Variants in ABCA13 observed in about 807,000 individuals in gnomAD.
The protein encoded by ABCA13 is ATP-binding cassette sub-family A member 13.
Under a neutral mutation model 478.7 loss-of-function variants are expected in ABCA13, and 476 were observed. The ratio of observed to expected loss-of-function variants is 0.99; its 90% CI spans 0.92 to 1.07. The LOEUF (loss-of-function observed/expected upper bound fraction) is 1.07, where lower values mean the gene tolerates loss of function less well. ABCA13 is among the 50% of genes least tolerant of loss of function. ABCA13 has a pLI of 0.00. For missense variants in ABCA13, 6,060 were observed against 5,910.6 expected, an observed-to-expected ratio of 1.03 and a Z score of -0.83; for synonymous variants, 2,252 against 2,158.9, an observed-to-expected ratio of 1.04 and a Z score of -1.20.
chr7:48,402,333 C>T (rs1380289184), intron 38 of ABCA13, among the ~76,000 whole-genome samples: 1 of 152,128 alleles, frequency 6.6e-6, no homozygotes, highest in Non-Finnish European at 1.5e-5. Flanking sequence ...GGTTAATGTG[C>T]TAAGTTTAAT....
chr7:48,373,267 C>T (rs539039151), intron 33 of ABCA13, among the ~76,000 whole-genome samples: 204 of 152,260 alleles, frequency 1.3e-3, no homozygotes, highest in African/African-American at 4.7e-3. Flanking sequence ...CGGGGCTGCT[C>T]AGGGGTATTT....
chr7:48,489,928 T>G (rs1046555561), intron 48 of ABCA13, among the ~76,000 whole-genome samples: 6 of 152,210 alleles, frequency 3.9e-5, no homozygotes, highest in African/African-American at 1.4e-4. Context: ...TTAATTTAAT[T>G]TAGCTTCTTT....
chr7:48,621,032 T>C (rs991878010), intron 59 of ABCA13, among the ~76,000 whole-genome samples: 2 of 152,142 alleles, frequency 1.3e-5, no homozygotes, highest in African/African-American at 2.4e-5. Context: ...ACTCAGGTGC[T>C]TTCTCATGCT....
chr7:48,274,317 G>T lies in ABCA13; in HGVS notation c.4651G>T (p.Gly1551Trp), dbSNP rs1358566060. ...TATTTGGCTTCATTTAATAACACTG[G>T]GGAAGGAATTTCAGAAGCTTGTAAA... Reference protein sequence around the residue: ...QNIWLHLITLGKEFQKLVKGI... With the variant: ...QNIWLHLITLWKEFQKLVKGI... Residue 1551 changes from glycine (G) to tryptophan (W), a missense_variant, in exon 17 of 62, where the codon GGG (glycine) becomes TGG (tryptophan). By Grantham distance (184) the Gly-to-Trp change is radical. Coordinates refer to ENST00000435803, the MANE Select transcript of ABCA13 (RefSeq NM_152701.5). 1 of 1,613,274 alleles carries T rather than the reference G, an allele frequency of 6.2e-7. No individual in the cohort carries two copies. The highest frequency in any genetic ancestry group is 1.3e-5 in the African/African-American group (1 of 74,888).
At position 48,229,896 on chromosome 7, in the gene ABCA13, T is replaced by C; in HGVS notation, c.704T>C (p.Val235Ala). The change falls in exon 7 of 62, where the codon GTA becomes GCA. Residue 235 changes from valine (V) to alanine (A), a missense_variant. Val to Ala is a moderately conservative substitution (Grantham distance 64). Transcript: ENST00000435803. Reference sequence around the variant, plus strand: ...ACTTTTTCCCAGGTTTCTGAACTTGTACTGAATGTGACCATTTCGACACTG... The same window carrying C: ...ACTTTTTCCCAGGTTTCTGAACTTGCACTGAATGTGACCATTTCGACACTG... The part of the protein sequence containing the change: ...NQTFSQVSEL[V>A]LNVTISTLTF... 1.2e-6 allele frequency: 2 copies of C among 1,614,064 alleles called. No homozygotes were observed. Among genetic ancestry groups the C allele is most frequent in the Non-Finnish European group, 1.7e-6 (2 of 1,179,896 alleles).
chr7:48,504,538 A>G (rs1347151034), intron 48 of ABCA13, among the ~76,000 whole-genome samples: 9 of 152,136 alleles, frequency 5.9e-5, no homozygotes, highest in Non-Finnish European at 1.3e-4. Flanking sequence ...TATTTGCCCC[A>G]GGGTGTGTGT....
chr7:48,334,324 A>C (rs1805868745), intron 27 of ABCA13, among the ~76,000 whole-genome samples: 1 of 149,498 alleles, frequency 6.7e-6, no homozygotes, highest in Admixed American at 6.7e-5. Flanking sequence ...TACTTACAAG[A>C]GTCTCTATCC....
intron 28 of ABCA13, among the ~76,000 whole-genome samples, chr7:48,336,385 G>T (rs182109002): frequency 2.7e-4 from 41 of 152,348 alleles, no homozygotes; most frequent in Non-Finnish European, 5.1e-4. Context: ...GGAGATAGCT[G>T]CTGAGGAAAG....
intron 47 of ABCA13, among the ~76,000 whole-genome samples, chr7:48,486,572 C>T (rs1170483758): frequency 6.6e-6 from 1 of 152,092 alleles, no homozygotes; most frequent in Admixed American, 6.5e-5. Flanking sequence ...AAAGCAACGC[C>T]AACTATTTTC....
intron 42 of ABCA13, among the ~76,000 whole-genome samples, chr7:48,431,322 A>G (rs1056052721): frequency 2.0e-5 from 3 of 148,532 alleles, no homozygotes; most frequent in African/African-American, 7.5e-5. Context: ...AGCCTGGGCA[A>G]CAGAGGGAGA....
Position 48,275,201 on chromosome 7 carries a change from G to T in ABCA13, c.5535G>T (p.Gly1845=), listed in dbSNP as rs13233225. 0.33 allele frequency: 525,700 copies of T among 1,613,564 alleles called. 90,166 individuals are homozygous for T. The highest frequency in any genetic ancestry group is 0.42 in the Middle Eastern group (2,516 of 6,062). Residue 1845 remains glycine, a synonymous_variant, in exon 17 of 62, where the codon GGG becomes GGT. Coordinates refer to ENST00000435803, the MANE Select transcript of ABCA13 (RefSeq NM_152701.5). ...NSKIDPCNVH[G]LMSSSFYGKV... ...AGATAGACCCCTGCAATGTCCATGG[G>T]CTCATGTCTTCTTCCTTTTATGGCA...
At chr7:48,428,236 C>A (rs1240103218) in intron 42 of ABCA13, among the ~76,000 whole-genome samples, 1 of 152,190 alleles carries the variant, frequency 6.6e-6, no homozygotes, top group African/African-American at 2.4e-5. Context: ...TGTGCAGGCA[C>A]CCTCCTGGTA....
chr7:48,414,960 C>G (rs748781384), intron 41 of ABCA13, among the ~76,000 whole-genome samples: 2 of 152,156 alleles, frequency 1.3e-5, no homozygotes, highest in African/African-American at 2.4e-5. Flanking sequence ...ATCTATACCC[C>G]CAAAAGTCAC....
chr7:48,516,779 C>T lies in ABCA13; in HGVS notation c.13695C>T (p.Asp4565=), dbSNP rs202122830. 2.2e-5 allele frequency: 36 copies of T among 1,613,678 alleles called. No individual in the cohort carries two copies. The highest frequency in any genetic ancestry group is 3.3e-5 in the Admixed American group (2 of 60,000). The change falls in exon 52 of 62, where the codon GAC becomes GAT. Residue 4565 remains aspartate (D), a synonymous_variant. Coordinates refer to ENST00000435803, the MANE Select transcript of ABCA13 (RefSeq NM_152701.5). ...YLMSRIFSSS[D]VAFISYVSLN... ...TGTCCAGAATCTTTTCCAGTTCGGA[C>T]GTGGCTTTCATTTCCTATGTCTCAC...
chr7:48,456,695 A>G (rs1323412134), intron 43 of ABCA13, among the ~76,000 whole-genome samples: 1 of 152,184 alleles, frequency 6.6e-6, no homozygotes. Flanking sequence ...CACTTTACTC[A>G]TGAAAACTAC....
At chr7:48,180,495 A>G (rs904253364) in intron 1 of ABCA13, among the ~76,000 whole-genome samples, 4 of 152,100 alleles carry the variant, frequency 2.6e-5, no homozygotes, top group East Asian at 1.9e-4. Flanking sequence ...ATCTCAGCTT[A>G]CTGCAGCCTC....
intron 25 of ABCA13, among the ~76,000 whole-genome samples, chr7:48,313,678 T>C (rs2128889372): frequency 6.6e-6 from 1 of 152,312 alleles, no homozygotes; most frequent in African/African-American, 2.4e-5. Flanking sequence ...AGTGACTTGA[T>C]GTTAGGTTTT....
At chr7:48,216,078 C>A (rs1326471325) in intron 3 of ABCA13, among the ~76,000 whole-genome samples, 1 of 152,110 alleles carries the variant, frequency 6.6e-6, no homozygotes, top group African/African-American at 2.4e-5. Context: ...TATTCATGTG[C>A]AAGTTTTAAA....
intron 55 of ABCA13, among the ~76,000 whole-genome samples, chr7:48,538,371 G>C (rs980374004): frequency 2.7e-4 from 41 of 151,974 alleles, no homozygotes; most frequent in African/African-American, 8.7e-4. Context: ...AAAGAGCTGG[G>C]ATTACAGGTG....
Sources: allele counts gnomAD v4.1 joint callset (sites outside exome capture counted in the v4.1 genomes callset), GRCh38; gene constraint gnomAD v4.1.1; transcripts MANE v1.5; gene names NCBI Gene and HGNC (gene_info 2026-07-23, HGNC 2026-07-21).